The following MYO16 variants were observed in gnomAD, a reference collection of about 807,000 sequenced individuals.
MYO16 encodes the protein unconventional myosin-XVI.
MYO16 carries 94 observed loss-of-function variants against 205.3 expected under a neutral mutation model. The observed-to-expected ratio is 0.46, with a 90% CI of 0.39 to 0.54. MYO16 has a LOEUF of 0.54. Among genes scored for constraint, MYO16 ranks in the 20% least tolerant of loss-of-function variants. The probability of loss-of-function intolerance (pLI) is 0.00; values close to 1 mark genes in which losing one functional copy is unlikely to be tolerated. For missense variants in MYO16, 2,315 were observed against 2,387.5 expected, an observed-to-expected ratio of 0.97 and a Z score of 0.63; for synonymous variants, 988 against 954.0, an observed-to-expected ratio of 1.04 and a Z score of -0.66.
intron 1 of MYO16, among the ~76,000 whole-genome samples, chr13:108,601,105 A>T (rs996946471): frequency 1.3e-5 from 2 of 152,084 alleles, no homozygotes; most frequent in Non-Finnish European, 2.9e-5. Flanking sequence ...TTTTTTTGCG[A>T]GGTAGACAGA....
chr13:108,977,647 G>A (rs1438229704), intron 20 of MYO16, among the ~76,000 whole-genome samples: 1 of 152,140 alleles, frequency 6.6e-6, no homozygotes, highest in East Asian at 1.9e-4. Flanking sequence ...TATGTGAGGA[G>A]TTGATAGTTT....
At chr13:109,076,641 A>G (rs1888115175) in intron 27 of MYO16, among the ~76,000 whole-genome samples, 1 of 152,140 alleles carries the variant, frequency 6.6e-6, no homozygotes, top group South Asian at 2.1e-4. Context: ...AGAGACACCT[A>G]ACACTCCGCA....
At chr13:108,737,686 G>A (rs1421901914) in intron 4 of MYO16, among the ~76,000 whole-genome samples, 1 of 152,110 alleles carries the variant, frequency 6.6e-6, no homozygotes, top group African/African-American at 2.4e-5. Flanking sequence ...TTTTTCTATT[G>A]ATTGGAATAG....
intron 5 of MYO16, among the ~76,000 whole-genome samples, chr13:108,793,313 A>G (rs1464903079): frequency 1.3e-5 from 2 of 149,024 alleles, no homozygotes; most frequent in Non-Finnish European, 2.9e-5. Context: ...AAACATAACA[A>G]GAGATAATTT....
chr13:109,091,685 C>T (rs1294033588), intron 27 of MYO16, among the ~76,000 whole-genome samples: 1 of 152,186 alleles, frequency 6.6e-6, no homozygotes, highest in African/African-American at 2.4e-5. Flanking sequence ...CTTTCCTGGT[C>T]CTCCTTTCCT....
At chr13:108,755,187 G>A (rs1231174489) in intron 4 of MYO16, among the ~76,000 whole-genome samples, 1 of 151,924 alleles carries the variant, frequency 6.6e-6, no homozygotes, top group Non-Finnish European at 1.5e-5. Context: ...TAGAACTGCT[G>A]CTGTCACAGC....
the MYO16 span, among the ~76,000 whole-genome samples, chr13:108,576,165 T>A: frequency 8.6e-5 from 13 of 151,864 alleles, no homozygotes; most frequent in Non-Finnish European, 1.5e-4. Flanking sequence ...CATATGAGAG[T>A]GCAAGATAAT....
chr13:108,537,140 T>C, the MYO16 span, among the ~76,000 whole-genome samples: 2 of 152,112 alleles, frequency 1.3e-5, no homozygotes, highest in African/African-American at 4.8e-5. Flanking sequence ...AGGTTATTTT[T>C]CAACCCTCAC....
intron 27 of MYO16, among the ~76,000 whole-genome samples, chr13:109,087,359 A>G (rs1888463742): frequency 6.6e-6 from 1 of 152,240 alleles, no homozygotes; most frequent in Admixed American, 6.5e-5. Context: ...AAAACTCACA[A>G]CACCAGCCAG....
intron 27 of MYO16, among the ~76,000 whole-genome samples, chr13:109,088,512 A>G (rs1270202210): frequency 6.6e-6 from 1 of 151,982 alleles, no homozygotes; most frequent in Non-Finnish European, 1.5e-5. Context: ...GCTTCCTGGT[A>G]TTGCCTAATC....
chr13:109,022,431 CAT>C lies in MYO16; in HGVS notation c.2796+2523_2796+2524del, dbSNP rs1232344582. Among the ~76,000 whole-genome samples the C allele has an allele frequency of 7.6e-5, 9 of 117,706 alleles. 1 individual carries two copies. The highest frequency in any genetic ancestry group is 1.4e-4 in the African/African-American group (4 of 29,466). 77.2% of individuals were successfully genotyped at this position (117,706 alleles called of 152,430 possible). A position where few individuals can be genotyped will look rare whatever the true frequency, so the allele number is the denominator to read the frequency against. The stretch of plus-strand genomic sequence containing the variant: ...TATATATTGTATATACAAATATAAA[CAT>C]ATGTATATATTTATGTTATATATAC... On this transcript the variant is annotated intron_variant, in intron 23 of 34. Transcript: ENST00000457511.
At chr13:108,773,822 T>TA (rs35999673) in intron 4 of MYO16, among the ~76,000 whole-genome samples, 31 of 150,626 alleles carry the variant, frequency 2.1e-4, no homozygotes, top group Middle Eastern at 3.4e-3. Context: ...TGTTAGCATG[T>TA]AAAAAAAAAA....
chr13:108,730,603 T>C (rs1443276977), intron 4 of MYO16, among the ~76,000 whole-genome samples: 1 of 152,204 alleles, frequency 6.6e-6, no homozygotes, highest in Admixed American at 6.5e-5. Flanking sequence ...TGGCAAGTTA[T>C]TCAGACCTTT....
chr13:108,958,313 C>T (rs1330413322), intron 17 of MYO16, among the ~76,000 whole-genome samples: 1 of 150,540 alleles, frequency 6.6e-6, no homozygotes, highest in African/African-American at 2.4e-5. Context: ...TTGATCAACT[C>T]ATGAAAAAAC....
rs1473174893 is a variant in MYO16, at chr13:109,141,897, T to C, written c.5164+521T>C. Among the ~76,000 whole-genome samples, 1 of 152,126 alleles carries C rather than the reference T, an allele frequency of 6.6e-6. No homozygotes were observed. The highest frequency in any genetic ancestry group is 1.5e-5 in the Non-Finnish European group (1 of 68,028). ...TAATGCCACTCGGCTGTGGGCTGTT[T>C]GGGATGAACTGCTTTTCTTCTGGTC... On this transcript the variant is annotated intron_variant, in intron 32 of 34. Transcript: ENST00000457511. This position sits in a 1 kb window ranked among gnomAD's most constrained non-coding sequence, Gnocchi z 4.1.
intron 27 of MYO16, among the ~76,000 whole-genome samples, chr13:109,062,982 A>G (rs1346994733): frequency 6.6e-6 from 1 of 152,208 alleles, no homozygotes; most frequent in Non-Finnish European, 1.5e-5. Context: ...TAAGTATACA[A>G]GAAAGAATAT....
At chr13:109,199,241 C>A (rs1399172026) in intron 34 of MYO16, among the ~76,000 whole-genome samples, 3 of 84,948 alleles carry the variant, frequency 3.5e-5, no homozygotes, top group African/African-American at 1.3e-4. Context: ...TATATATATA[C>A]CGTCATTTTG....
chr13:108,715,819 G>A (rs1354176453), intron 3 of MYO16, among the ~76,000 whole-genome samples: 3 of 152,098 alleles, frequency 2.0e-5, no homozygotes, highest in African/African-American at 4.8e-5. Flanking sequence ...CTCCTGGTCC[G>A]GCTTAATAAC....
chr13:108,736,996 A>G (rs1884726012), intron 4 of MYO16, among the ~76,000 whole-genome samples: 1 of 152,128 alleles, frequency 6.6e-6, no homozygotes, highest in Non-Finnish European at 1.5e-5. Context: ...TTGTATCCTG[A>G]GATTTTGCTG....
Sources: allele counts gnomAD v4.1 joint callset (sites outside exome capture counted in the v4.1 genomes callset), GRCh38; gene constraint gnomAD v4.1.1; non-coding constraint Gnocchi (gnomAD v3.1); transcripts MANE v1.5; gene names NCBI Gene and HGNC (gene_info 2026-07-23, HGNC 2026-07-21).